GABRG1: variants seen among roughly 807,000 people sequenced by gnomAD.
GABRG1 encodes gamma-aminobutyric acid receptor subunit gamma-1.
A neutral mutation model predicts 49.8 loss-of-function variants in GABRG1; 49 were observed. The ratio of observed to expected loss-of-function variants is 0.98; its 90% confidence interval spans 0.78 to 1.25. The LOEUF is 1.25. Among genes scored for constraint, GABRG1 ranks in the 50% most tolerant of loss-of-function variants. The probability of loss-of-function intolerance (pLI) is 0.00; values close to 1 mark genes in which losing one functional copy is unlikely to be tolerated. For missense variants in GABRG1, 552 were observed against 552.3 expected, an observed-to-expected ratio of 1.00 and a Z score of 0.01; for synonymous variants, 232 against 185.1, an observed-to-expected ratio of 1.25 and a Z score of -2.06.
chr4:46,083,949 T>A lies in GABRG1; in HGVS notation c.321+37A>T, dbSNP rs200415900. 15 of 1,125,000 alleles carry A rather than the reference T, an allele frequency of 1.3e-5. No homozygotes were observed. The East Asian group carries it at 3.3e-4, about 25-fold the overall frequency. 69.7% of individuals were successfully genotyped at this position (1,125,000 alleles called of 1,614,324 possible). On this transcript the variant is annotated intron_variant, in intron 3 of 8. Coordinates refer to ENST00000295452, the MANE Select transcript of GABRG1 (RefSeq NM_173536.4). ...ATTTTGGAGGTATACACGAGAGATC[T>A]CTGTGGCAGTTATTATTTTTAATAT...
chr4:46,060,355 C>G (rs1234136981), intron 5 of GABRG1, among the ~76,000 whole-genome samples: 1 of 151,886 alleles, frequency 6.6e-6, no homozygotes, highest in African/African-American at 2.4e-5. Flanking sequence ...AGATTATGTT[C>G]TATTACACTA....
intron 1 of GABRG1, among the ~76,000 whole-genome samples, chr4:46,104,771 A>C (rs1324567049): frequency 6.6e-6 from 1 of 151,450 alleles, no homozygotes; most frequent in Non-Finnish European, 1.5e-5. Flanking sequence ...CTGAGCATCC[A>C]GCATTTCTGG....
chr4:46,088,560 C>T (rs1015832976), intron 2 of GABRG1, among the ~76,000 whole-genome samples: 1 of 151,894 alleles, frequency 6.6e-6, no homozygotes. Flanking sequence ...TCTTAACTTG[C>T]GCAGGCTTTC....
intron 3 of GABRG1, among the ~76,000 whole-genome samples, chr4:46,078,689 G>A (rs1241721837): frequency 3.3e-5 from 5 of 151,928 alleles, no homozygotes; most frequent in Non-Finnish European, 7.4e-5. Context: ...TTATCAAAAT[G>A]AGTTTGAAAA....
rs1717689337 is a variant in GABRG1 at position 46,039,879 on chromosome 4, T to C, written c.*1109A>G. On this transcript the variant is annotated 3_prime_UTR_variant, in exon 9 of 9. Transcript: ENST00000295452. ...GAAAAAAAAAAGAATATTATAATAA[T>C]GTATAATGTAGTTGCAAAACTGACA... is the stretch of plus-strand genomic sequence containing the variant. The C allele has an allele frequency of 6.6e-6, 1 of 151,612 alleles. No homozygotes were observed. Among genetic ancestry groups the C allele is most frequent in the African/African-American group, 2.4e-5 (1 of 41,360 alleles). 9.4% of individuals were successfully genotyped at this position (151,612 alleles called of 1,614,324 possible).
chr4:46,111,229 G>A (rs1720703182), intron 1 of GABRG1, among the ~76,000 whole-genome samples: 1 of 150,730 alleles, frequency 6.6e-6, no homozygotes, highest in Admixed American at 6.6e-5. Context: ...GTCAAATCAA[G>A]AATGTAATCC....
intron 3 of GABRG1, among the ~76,000 whole-genome samples, chr4:46,075,441 C>T (rs1719292636): frequency 6.6e-6 from 1 of 152,050 alleles, no homozygotes; most frequent in Non-Finnish European, 1.5e-5. Context: ...GGTGATCCTC[C>T]CGCCTCGGCC....
chr4:46,113,237 C>T (rs1720777865), intron 1 of GABRG1, among the ~76,000 whole-genome samples: 1 of 151,080 alleles, frequency 6.6e-6, no homozygotes, highest in Admixed American at 6.6e-5. Flanking sequence ...GTTTAATTGA[C>T]TCACAGTTCA....
intron 5 of GABRG1, 95 bp downstream of exon 5, chr4:46,064,346 T>C: frequency 1.5e-6 from 1 of 666,236 alleles, no homozygotes; most frequent in Non-Finnish European, 2.5e-6. Context: ...ACTCACACTT[T>C]TGAAAATCCT....
chr4:46,064,418 T>C, intron 5 of GABRG1, 23 bp downstream of exon 5: 1 of 1,281,036 alleles, frequency 7.8e-7, no homozygotes, highest in Non-Finnish European at 1.1e-6. Context: ...TTCTATGAAA[T>C]TATCAAGTGT....
chr4:46,097,429 A>G, intron 1 of GABRG1, 80 bp from the exon 2 acceptor site: 1 of 1,353,174 alleles, frequency 7.4e-7, no homozygotes, highest in African/African-American at 1.5e-5. Flanking sequence ...GTATGTTACA[A>G]TTGAGTAAGA....
Position 46,040,314 on chromosome 4 carries a change from C to T in GABRG1, c.*674G>A, listed in dbSNP as rs997643087. On this transcript the variant is annotated 3_prime_UTR_variant, in exon 9 of 9. Coordinates refer to ENST00000295452, the MANE Select transcript of GABRG1 (RefSeq NM_173536.4). Reference sequence around the variant, plus strand: ...TAAAAAATGACTGGTGGCTTCATTCCAAGTTTGCAAATCACCAAAGTAAAT... The same window carrying T: ...TAAAAAATGACTGGTGGCTTCATTCTAAGTTTGCAAATCACCAAAGTAAAT... 15 of 152,064 alleles carry T rather than the reference C, an allele frequency of 9.9e-5. No individual in the cohort carries two copies. Among genetic ancestry groups the T allele is most frequent in the Non-Finnish European group, 2.9e-5 (2 of 67,862 alleles). The allele number at this position is 152,064 out of a possible 1,614,324, so 9.4% of individuals were successfully genotyped here. A position where few individuals can be genotyped will look rare whatever the true frequency, so the allele number is the denominator to read the frequency against.
At chr4:46,058,398 TATATA>T in intron 6 of GABRG1, 29 bp from the exon 7 acceptor site, 1 of 1,595,468 alleles carries the variant, frequency 6.3e-7, no homozygotes, top group Non-Finnish European at 8.5e-7. Context: ...TTATTTTGGC[TATATA>T]ATATAAATCA....
rs979077287 is a variant in GABRG1, at chr4:46,040,366, G to T, written c.*622C>A. On this transcript the variant is annotated 3_prime_UTR_variant, in exon 9 of 9. Coordinates refer to ENST00000295452, the MANE Select transcript of GABRG1 (RefSeq NM_173536.4). ...CAACTGGCGTTCTGTTTAATATTGT[G>T]TCAGAAAATGGACTGGATTAAAAGA... 1 of 152,208 alleles carries T rather than the reference G, an allele frequency of 6.6e-6. No individual in the cohort carries two copies. The highest frequency in any genetic ancestry group is 2.4e-5 in the African/African-American group (1 of 41,404). The allele number at this position is 152,208 out of a possible 1,614,324, so 9.4% of individuals were successfully genotyped here.
chr4:46,049,962 T>C (rs1008189120), intron 8 of GABRG1, among the ~76,000 whole-genome samples: 1 of 151,902 alleles, frequency 6.6e-6, no homozygotes, highest in Non-Finnish European at 1.5e-5. Context: ...TTAGTTATTT[T>C]TATTCTAAAC....
At chr4:46,099,248 G>A (rs1380732240) in intron 1 of GABRG1, among the ~76,000 whole-genome samples, 1 of 151,530 alleles carries the variant, frequency 6.6e-6, no homozygotes, top group African/African-American at 2.4e-5. Flanking sequence ...GATTGACTTG[G>A]GCTAATGGTA....
intron 3 of GABRG1, among the ~76,000 whole-genome samples, chr4:46,068,100 C>T (rs1560357257): frequency 6.6e-6 from 1 of 152,114 alleles, no homozygotes. Flanking sequence ...ACGCTAATGA[C>T]ATGATGTCTA....
At chr4:46,091,072 T>A (rs1464468661) in intron 2 of GABRG1, among the ~76,000 whole-genome samples, 1 of 151,896 alleles carries the variant, frequency 6.6e-6, no homozygotes, top group East Asian at 1.9e-4. Flanking sequence ...TATGTGATGT[T>A]GACAAACCAA....
At chr4:46,047,649 T>C (rs1356721368) in intron 8 of GABRG1, among the ~76,000 whole-genome samples, 1 of 151,876 alleles carries the variant, frequency 6.6e-6, no homozygotes, top group East Asian at 1.9e-4. Context: ...TTTATGTTTT[T>C]ATAAAAAATA....
Sources: gnomAD v4.1 joint callset for allele counts (sites outside exome capture counted in the v4.1 genomes callset) on GRCh38, gnomAD v4.1.1 for gene constraint, MANE v1.5 for transcripts, NCBI Gene and HGNC (gene_info 2026-07-23, HGNC 2026-07-21) for gene names.